GALR1: variants seen among roughly 807,000 people sequenced by gnomAD.
The protein encoded by GALR1 is galanin receptor 1.
Under a neutral mutation model 17.9 loss-of-function variants are expected in GALR1, and 11 were observed. The ratio of observed to expected loss-of-function variants is 0.62; its 90% CI spans 0.39 to 1.02. The LOEUF is 1.02. Among genes scored for constraint, GALR1 ranks in the 50% least tolerant of loss-of-function variants. GALR1 has a pLI of 0.01. For synonymous variants in GALR1, 206 were observed against 205.7 expected, an observed-to-expected ratio of 1.00 and a Z score of -0.01; for missense variants, 441 against 456.9, an observed-to-expected ratio of 0.97 and a Z score of 0.32.
At chr18:77,261,307 G>T (rs189124251) in intron 2 of GALR1, among the ~76,000 whole-genome samples, 12 of 152,250 alleles carry the variant, frequency 7.9e-5, no homozygotes, top group African/African-American at 2.6e-4. Context: ...GATTCTATAC[G>T]CTAAATAGAC....
Position 77,250,193 on chromosome 18 carries a change from T to C in GALR1, c.-356T>C, listed in dbSNP as rs1278046702. Among the ~76,000 whole-genome samples, 2 of 152,244 alleles carry C rather than the reference T, an allele frequency of 1.3e-5. No individual in the cohort carries two copies. The highest frequency in any genetic ancestry group is 2.1e-4 in the South Asian group (1 of 4,832). Reference sequence around the variant, plus strand: ...GCGGTAAGGCGGAGAGAAGGGTCTTTCCACCTGCGCGGCTGCAGCCGGCGG... The same window carrying C: ...GCGGTAAGGCGGAGAGAAGGGTCTTCCCACCTGCGCGGCTGCAGCCGGCGG... On this transcript the variant is annotated 5_prime_UTR_variant, in exon 1 of 3. Transcript: ENST00000299727.
chr18:77,250,734 G>T lies in GALR1; in HGVS notation c.186G>T (p.Lys62Asn), dbSNP rs1467038160. Residue 62 changes from lysine (K) to asparagine (N), a missense_variant, in exon 1 of 3, where the codon AAG (lysine) becomes AAT (asparagine). Coordinates refer to ENST00000299727, the MANE Select transcript of GALR1 (RefSeq NM_001480.4). ...TGATCACCGTGCTGGCGCGCAGCAA[G>T]CCGGGCAAGCCGCGGAGCACCACCA... is the stretch of plus-strand genomic sequence containing the variant. ...SLVITVLARS[K>N]PGKPRSTTNL... The T allele has an allele frequency of 1.2e-6, 2 of 1,613,706 alleles. No homozygotes were observed. The highest frequency in any genetic ancestry group is 4.5e-5 in the East Asian group (2 of 44,882).
intron 1 of GALR1, among the ~76,000 whole-genome samples, chr18:77,251,826 C>T (rs1599353322): frequency 6.6e-6 from 1 of 152,194 alleles, no homozygotes; most frequent in African/African-American, 2.4e-5. Context: ...TTTGCGCACA[C>T]CGGGCTCTGT....
intron 2 of GALR1, among the ~76,000 whole-genome samples, chr18:77,265,873 T>C (rs1912934610): frequency 6.6e-6 from 1 of 152,178 alleles, no homozygotes; most frequent in Admixed American, 6.5e-5. Context: ...GCCCTGGGCT[T>C]GGACATGAAA....
chr18:77,267,027 C>T (rs1305399211), intron 2 of GALR1, among the ~76,000 whole-genome samples: 2 of 152,218 alleles, frequency 1.3e-5, no homozygotes, highest in East Asian at 3.8e-4. Context: ...TGAGTCCTAA[C>T]CTTTGGCCAA....
chr18:77,253,420 T>A (rs1224335007), intron 1 of GALR1, among the ~76,000 whole-genome samples: 6 of 152,232 alleles, frequency 3.9e-5, no homozygotes, highest in African/African-American at 1.4e-4. Flanking sequence ...TTAACATATA[T>A]GGCTGTTAAG....
intron 2 of GALR1, among the ~76,000 whole-genome samples, chr18:77,259,058 T>C (rs111171259): frequency 0.012 from 55 of 4,562 alleles, no homozygotes; most frequent in East Asian, 0.25. Flanking sequence ...GTGGTGATGA[T>C]GGTGGTCATG....
At position 77,272,995 on chromosome 18, in the gene GALR1, T is replaced by G. The variant is rs933496799; in HGVS notation, c.*4093T>G. 1.3e-5 allele frequency: 2 copies of G among 152,244 alleles called. No individual in the cohort carries two copies. The highest frequency in any genetic ancestry group is 4.8e-5 in the African/African-American group (2 of 41,464). 9.4% of individuals were successfully genotyped at this position (152,244 alleles called of 1,614,324 possible). A position where few individuals can be genotyped will look rare whatever the true frequency, so the allele number is the denominator to read the frequency against. On this transcript the variant is annotated 3_prime_UTR_variant, in exon 3 of 3. Coordinates refer to ENST00000299727, the MANE Select transcript of GALR1 (RefSeq NM_001480.4). The stretch of plus-strand genomic sequence containing the variant: ...TGTCTAAGGAGAGTGTATCGTGTAT[T>G]GTGATGCATTAGCAGGATGTTTTGT...
At chr18:77,252,130 C>A (rs1468336372) in intron 1 of GALR1, among the ~76,000 whole-genome samples, 5 of 152,228 alleles carry the variant, frequency 3.3e-5, no homozygotes, top group African/African-American at 1.2e-4. Flanking sequence ...GAGCTCAGCA[C>A]TCACATTCTT....
intron 2 of GALR1, among the ~76,000 whole-genome samples, chr18:77,257,848 C>G (rs1912626277): frequency 6.6e-6 from 1 of 152,190 alleles, no homozygotes. Flanking sequence ...AGATTAATTT[C>G]CCTTGGGAGG....
At chr18:77,252,956 CCAT>C (rs1568139168) in intron 1 of GALR1, among the ~76,000 whole-genome samples, 1,285 of 54,880 alleles carry the variant, frequency 0.023, 44 homozygotes, top group African/African-American at 0.069. Context: ...ACCATCACCA[CCAT>C]CACCACCACC....
intron 1 of GALR1, among the ~76,000 whole-genome samples, chr18:77,254,239 T>C (rs1263523687): frequency 6.6e-6 from 1 of 152,186 alleles, no homozygotes; most frequent in Non-Finnish European, 1.5e-5. Context: ...TACCCTATCA[T>C]GGTACCTACA....
chr18:77,252,992 C>CCACCACCAT (rs1912497806), intron 1 of GALR1, among the ~76,000 whole-genome samples: 17 of 30,156 alleles, frequency 5.6e-4, no homozygotes, highest in East Asian at 5.2e-3. Context: ...ACCACCATCA[C>CCACCACCAT]CACCACCACC....
intron 2 of GALR1, among the ~76,000 whole-genome samples, chr18:77,264,716 T>A (rs974532148): frequency 4.6e-5 from 7 of 152,036 alleles, no homozygotes; most frequent in African/African-American, 1.7e-4. Flanking sequence ...AAACTTACAA[T>A]TATGGTGGAA....
chr18:77,264,878 C>G (rs1345325699), intron 2 of GALR1, among the ~76,000 whole-genome samples: 2 of 152,150 alleles, frequency 1.3e-5, no homozygotes, highest in Non-Finnish European at 2.9e-5. Flanking sequence ...GATTCAGTTA[C>G]CTCCTTTTGG....
At chr18:77,264,133 C>CAAAAAAAAAAAA (rs56102250) in intron 2 of GALR1, among the ~76,000 whole-genome samples, 1 of 57,218 alleles carries the variant, frequency 1.7e-5, no homozygotes, top group Non-Finnish European at 3.0e-5. Flanking sequence ...GACTCCATCT[C>CAAAAAAAAAAAA]AAAAAAAAAA....
chr18:77,252,923 T>TCACCACCAC (rs1912475884), intron 1 of GALR1, among the ~76,000 whole-genome samples: 3 of 84,670 alleles, frequency 3.5e-5, no homozygotes, highest in Non-Finnish European at 6.9e-5. Context: ...ACCACCACCA[T>TCACCACCAC]CACCACCACC....
Position 77,276,688 on chromosome 18 carries a change from C to T in GALR1, c.*7786C>T, listed in dbSNP as rs965687605. On this transcript the variant is annotated 3_prime_UTR_variant, in exon 3 of 3. Transcript: ENST00000299727. ...GTGTCTGTATTTTCAGAGCAGATAACCAATCAAATTGAGCAGATGGTCTTT... is the reference window on the plus strand; with the variant it reads ...GTGTCTGTATTTTCAGAGCAGATAATCAATCAAATTGAGCAGATGGTCTTT... 1 of 152,144 alleles carries T rather than the reference C, an allele frequency of 6.6e-6. No individual in the cohort carries two copies. Among genetic ancestry groups the T allele is most frequent in the Admixed American group, 6.6e-5 (1 of 15,264 alleles). 9.4% of individuals were successfully genotyped at this position (152,144 alleles called of 1,614,324 possible). A position where few individuals can be genotyped will look rare whatever the true frequency, so the allele number is the denominator to read the frequency against.
Position 77,268,926 on chromosome 18 carries a change from T to A in GALR1, c.*24T>A. 1.3e-6 allele frequency: 2 copies of A among 1,560,048 alleles called. No homozygotes were observed. Among genetic ancestry groups the A allele is most frequent in the Non-Finnish European group, 1.8e-6 (2 of 1,136,902 alleles). ...GATAAAAGATAGAGTATCCTTATGG[T>A]TGAGTTTCCATATAAGTGGACCAGA... On this transcript the variant is annotated 3_prime_UTR_variant, in exon 3 of 3. Coordinates refer to ENST00000299727, the MANE Select transcript of GALR1 (RefSeq NM_001480.4).
Sources: gnomAD v4.1 joint callset for allele counts (sites outside exome capture counted in the v4.1 genomes callset) on GRCh38, gnomAD v4.1.1 for gene constraint, MANE v1.5 for transcripts, NCBI Gene and HGNC (gene_info 2026-07-23, HGNC 2026-07-21) for gene names.